The following NOXA1 variants were observed in gnomAD, a reference collection of about 807,000 sequenced individuals.
NOXA1 encodes NCF2-like protein.
A neutral mutation model predicts 64.8 loss-of-function variants in NOXA1; 56 were observed. That is an observed-to-expected ratio of 0.86 (90% confidence interval 0.70 to 1.08). The LOEUF (loss-of-function observed/expected upper bound fraction) is 1.08. NOXA1 is among the 50% of genes least tolerant of loss of function. The pLI, the probability that NOXA1 is intolerant of heterozygous loss-of-function variation, is 0.00. For missense variants in NOXA1, 668 were observed against 658.5 expected (o/e 1.01, Z -0.16); for synonymous variants, 295 against 294.8 (o/e 1.00, Z -0.01).
intron 1 of NOXA1, 116 bp from the exon 2 acceptor site, chr9:137,426,132 G>C: frequency 2.2e-6 from 2 of 910,404 alleles, no homozygotes; most frequent in Non-Finnish European, 3.6e-6. Flanking sequence ...GAGGGGCTGT[G>C]GGGGGTCCCC....
At chr9:137,429,433 C>G (rs373273048) in intron 5 of NOXA1, 50 bp downstream of exon 5, 3 of 1,324,700 alleles carry the variant, frequency 2.3e-6, no homozygotes, top group Admixed American at 4.1e-5. Flanking sequence ...GCTGAGCCCT[C>G]GAACTGTGTT....
In NOXA1 at chr9:137,428,882, G is replaced by A. The variant is rs754427194; in HGVS notation, c.370G>A (p.Val124Met). ...GCCATCACCTTGGCCCCACTCCCAG[G>A]TGCTACACAATGTGGCGTCGGCACA... Reference protein sequence around the residue: ...GLRFKLQAWEVLHNVASAQCQ... With the variant: ...GLRFKLQAWEMLHNVASAQCQ... Residue 124 changes from valine to methionine, a missense_variant and splice_region_variant, in exon 4 of 14, where the codon GTG becomes ATG. Val to Met is a conservative substitution (Grantham distance 21, BLOSUM62 1). Coordinates refer to ENST00000683555, the MANE Select transcript of NOXA1 (RefSeq NM_001256067.2). 64 of 1,577,402 alleles carry A rather than the reference G, an allele frequency of 4.1e-5. No individual in the cohort carries two copies. The highest frequency in any genetic ancestry group is 5.5e-5 in the Non-Finnish European group (64 of 1,163,830).
At chr9:137,430,698 C>A in intron 5 of NOXA1, 86 bp from the exon 6 acceptor site, 1 of 1,226,790 alleles carries the variant, frequency 8.2e-7, no homozygotes, top group Non-Finnish European at 1.1e-6. Flanking sequence ...GGACTTAGAG[C>A]TGCGGGGCAC....
In NOXA1 at chr9:137,429,338, G is replaced by T. The variant is rs1358511873; in HGVS notation, c.567G>T (p.Trp189Cys). The T allele has an allele frequency of 1.3e-6, 2 of 1,584,848 alleles. No homozygotes were observed. Among genetic ancestry groups the T allele is most frequent in the Non-Finnish European group, 1.7e-6 (2 of 1,167,040 alleles). Reference sequence around the variant, plus strand: ...GCGAGGTCTTCCGGCCCCACCGGTGGCACCTGAAGCACTTGGAGCCCGTGG... The same window carrying T: ...GCGAGGTCTTCCGGCCCCACCGGTGTCACCTGAAGCACTTGGAGCCCGTGG... ...PRGEVFRPHR[W>C]HLKHLEPVDF... The change falls in exon 5 of 14, where the codon TGG (tryptophan) becomes TGT (cysteine). Residue 189 changes from tryptophan to cysteine, a missense_variant. Transcript: ENST00000683555.
chr9:137,433,065 C>T lies in NOXA1; in HGVS notation c.841C>T (p.Leu281Phe), dbSNP rs1489545415. The T allele has an allele frequency of 3.1e-6, 5 of 1,612,748 alleles. No homozygotes were observed. Among genetic ancestry groups the T allele is most frequent in the South Asian group, 2.2e-5 (2 of 91,082 alleles). Residue 281 changes from leucine to phenylalanine, a missense_variant, in exon 9 of 14, where the codon CTC becomes TTC. Leu to Phe is a conservative substitution (Grantham distance 22, BLOSUM62 0). Transcript: ENST00000683555. ...GGAGCAAGTTGGCAAACAGGCTCCT[C>T]TCTCCCCAGGTATGGGCGTCCTCAG... ...QVEQVGKQAP[L>F]SPGLPAMGGP...
At position 137,431,781 on chromosome 9, in the gene NOXA1, C is replaced by G. The variant is rs1191956133; in HGVS notation, c.804+440C>G. Among the ~76,000 whole-genome samples, 1 of 152,184 alleles carries G rather than the reference C, an allele frequency of 6.6e-6. No homozygotes were observed. Among genetic ancestry groups the G allele is most frequent in the African/African-American group, 2.4e-5 (1 of 41,446 alleles). ...CATCCCCCGAGTCCTCCCGGACACC[C>G]CGGCACCTGGGGAGAGGCGGAGGAA... On this transcript the variant is annotated intron_variant, in intron 8 of 13. Transcript: ENST00000683555. The surrounding 1 kb of genome is among the most constrained non-coding windows in gnomAD (Gnocchi z 5.6).
Position 137,430,770 on chromosome 9 carries a change from A to T in NOXA1, c.613-14A>T. On this transcript the variant is annotated splice_polypyrimidine_tract_variant and intron_variant, in intron 5 of 13. Coordinates refer to ENST00000683555, the MANE Select transcript of NOXA1 (RefSeq NM_001256067.2). ...CGCTGATCCCTGACCCAGCGTCCCCACTGTCCCCGCCAGGTGGTGGCCTCT... is the reference window on the plus strand; with the variant it reads ...CGCTGATCCCTGACCCAGCGTCCCCTCTGTCCCCGCCAGGTGGTGGCCTCT... 6.3e-7 allele frequency: 1 copy of T among 1,590,166 alleles called. No individual in the cohort carries two copies. Among genetic ancestry groups the T allele is most frequent in the Non-Finnish European group, 8.5e-7 (1 of 1,174,248 alleles).
chr9:137,424,230 G>A (rs1838734788), intron 1 of NOXA1, among the ~76,000 whole-genome samples: 1 of 152,180 alleles, frequency 6.6e-6, no homozygotes, highest in African/African-American at 2.4e-5. Context: ...CAAGCACCCC[G>A]CAGAAGCAGG....
chr9:137,429,394 G>A lies in NOXA1; in HGVS notation c.612+11G>A. 1 of 1,548,684 alleles carries A rather than the reference G, an allele frequency of 6.5e-7. No individual in the cohort carries two copies. The highest frequency in any genetic ancestry group is 8.8e-7 in the Non-Finnish European group (1 of 1,141,174). ...CTGGGCAAGGCCAAGGTAAAGGTGG[G>A]GACGGCGTCCTGGGGCATGGCGGCT... On this transcript the variant is annotated intron_variant, in intron 5 of 13. Transcript: ENST00000683555.
rs560329990 is a variant in NOXA1 at position 137,431,172 on chromosome 9, C to T, written c.699-64C>T. On this transcript the variant is annotated intron_variant, in intron 7 of 13. Transcript: ENST00000683555. The surrounding 1 kb of genome is among the most constrained non-coding windows in gnomAD (Gnocchi z 5.6). ...GGCAGAGGCCCTCCACATGGGGCCA[C>T]GCGGGCCGGGCACAGGAGGGCAGTC... 3.4e-5 allele frequency: 55 copies of T among 1,610,676 alleles called. No individual in the cohort carries two copies. The highest frequency in any genetic ancestry group is 2.0e-4 in the African/African-American group (15 of 75,020).
intron 11 of NOXA1, 29 bp from the exon 12 acceptor site, chr9:137,433,721 G>T (rs1839227801): frequency 6.8e-7 from 1 of 1,472,274 alleles, no homozygotes; most frequent in East Asian, 2.5e-5. Context: ...CCCCACCCAG[G>T]AGGCCCCCTC....
chr9:137,433,100 C>A (rs780368950), intron 9 of NOXA1, 26 bp downstream of exon 9: 35 of 1,611,960 alleles, frequency 2.2e-5, no homozygotes, highest in Non-Finnish European at 2.9e-5. Context: ...GCGGCGGGGT[C>A]CCCGGGTGAA....
chr9:137,430,680 G>A, intron 5 of NOXA1, 104 bp from the exon 6 acceptor site: 2 of 984,224 alleles, frequency 2.0e-6, no homozygotes, highest in South Asian at 1.8e-5. Context: ...CTGTCACCCA[G>A]CCCCCGGGGA....
In NOXA1 at chr9:137,428,151, G is replaced by T; in HGVS notation, c.369+10G>T. The T allele has an allele frequency of 1.9e-6, 3 of 1,549,696 alleles. No individual in the cohort carries two copies. Among genetic ancestry groups the T allele is most frequent in the Non-Finnish European group, 2.6e-6 (3 of 1,144,862 alleles). On this transcript the variant is annotated intron_variant, in intron 3 of 13. Coordinates refer to ENST00000683555, the MANE Select transcript of NOXA1 (RefSeq NM_001256067.2). Reference sequence around the variant, plus strand: ...GCTGCAAGCCTGGGAGGTGAGGCCGGGCAGGGCTCACTGTGCTGCTGGCTG... The same window carrying T: ...GCTGCAAGCCTGGGAGGTGAGGCCGTGCAGGGCTCACTGTGCTGCTGGCTG...
Position 137,431,014 on chromosome 9 carries a change from G to C in NOXA1, c.673-61G>C. On this transcript the variant is annotated intron_variant, in intron 6 of 13. Coordinates refer to ENST00000683555, the MANE Select transcript of NOXA1 (RefSeq NM_001256067.2). The surrounding 1 kb of genome is among the most constrained non-coding windows in gnomAD (Gnocchi z 5.6). ...TGGGGAAACCACTCTTCAAGGTTCA[G>C]GAGGAGGGAGGGCGGCCCCCGACCC... 1.2e-6 allele frequency: 2 copies of C among 1,612,044 alleles called. No individual in the cohort carries two copies. The highest frequency in any genetic ancestry group is 4.5e-5 in the East Asian group (2 of 44,880).
At position 137,430,734 on chromosome 9, in the gene NOXA1, C is replaced by G; in HGVS notation, c.613-50C>G. The stretch of plus-strand genomic sequence containing the variant: ...GGTGGGGCGGGCTGCAGGGAGCAGA[C>G]CCTGCTGGGCCGCTGATCCCTGACC... On this transcript the variant is annotated intron_variant, in intron 5 of 13. Coordinates refer to ENST00000683555, the MANE Select transcript of NOXA1 (RefSeq NM_001256067.2). The G allele has an allele frequency of 2.0e-6, 3 of 1,528,650 alleles. No homozygotes were observed. The South Asian group carries it at 3.6e-5, about 18-fold the overall frequency. The allele number at this position is 1,528,650 out of a possible 1,614,324, so 94.7% of individuals were successfully genotyped here.
Position 137,429,264 on chromosome 9 carries a change from C to T in NOXA1, c.505-12C>T, listed in dbSNP as rs1838981731. 1.3e-6 allele frequency: 2 copies of T among 1,526,876 alleles called. No homozygotes were observed. Among genetic ancestry groups the T allele is most frequent in the African/African-American group, 1.4e-5 (1 of 73,080 alleles). 94.6% of individuals were successfully genotyped at this position (1,526,876 alleles called of 1,614,324 possible). On this transcript the variant is annotated splice_polypyrimidine_tract_variant and intron_variant, in intron 4 of 13. Coordinates refer to ENST00000683555, the MANE Select transcript of NOXA1 (RefSeq NM_001256067.2). ...ACCCCGTCTGCATCTGCTGGATACC[C>T]ACCCCCTCCAGAGACGGGGCTCACT...
chr9:137,434,048 A>G lies in NOXA1; in HGVS notation c.1263A>G (p.Arg421=). ...AGGGGCCAGAGGACCTGGGCTTCCGACAGGGGGACACGGTGGACGTCCTGT... is the reference window on the plus strand; with the variant it reads ...AGGGGCCAGAGGACCTGGGCTTCCGGCAGGGGGACACGGTGGACGTCCTGT... ...SAQGPEDLGF[R]QGDTVDVLCE... Residue 421 remains arginine, a synonymous_variant, in exon 13 of 14, where the codon CGA becomes CGG. Transcript: ENST00000683555. 6.3e-7 allele frequency: 1 copy of G among 1,576,904 alleles called. No homozygotes were observed. The highest frequency in any genetic ancestry group is 8.6e-7 in the Non-Finnish European group (1 of 1,166,242).
chr9:137,428,644 A>C (rs1001694961), intron 3 of NOXA1, among the ~76,000 whole-genome samples: 1 of 148,040 alleles, frequency 6.8e-6, no homozygotes, highest in Non-Finnish European at 1.5e-5. Context: ...CAGGACACAG[A>C]ACGGTGCAGG....
Sources: gnomAD v4.1 joint callset for allele counts (sites outside exome capture counted in the v4.1 genomes callset) on GRCh38, gnomAD v4.1.1 for gene constraint, Gnocchi (gnomAD v3.1) non-coding constraint, MANE v1.5 for transcripts, NCBI Gene and HGNC (gene_info 2026-07-23, HGNC 2026-07-21) for gene names.